Variants in DNAH9 observed in about 807,000 individuals in gnomAD.
DNAH9 encodes dynein axonemal heavy chain 9.
In DNAH9, 345 loss-of-function variants were observed where a neutral mutation model predicts 471.6. The ratio of observed to expected loss-of-function variants is 0.73; its 90% CI spans 0.67 to 0.80. The LOEUF (loss-of-function observed/expected upper bound fraction) is 0.80. DNAH9 is among the 30% of genes least tolerant of loss of function. The pLI, the probability that DNAH9 is intolerant of heterozygous loss-of-function variation, is 0.00. For missense variants in DNAH9, 5,407 were observed against 5,609.2 expected (o/e 0.96, Z 1.15); for synonymous variants, 2,093 against 2,123.6 (o/e 0.99, Z 0.40).
chr17:11,768,400 GGGCTTCTTGAGTTCTGGA>G, intron 36 of DNAH9, 35 bp from the exon 37 acceptor site: 6 of 1,575,038 alleles, frequency 3.8e-6, no homozygotes, highest in Non-Finnish European at 5.2e-6. Flanking sequence ...CCTCCTGTGT[GGGCTTCTTGAGTTCTGGA>G]GGACCTTGTC....
chr17:11,674,145 T>G (rs1450807793), intron 17 of DNAH9, among the ~76,000 whole-genome samples: 1 of 152,148 alleles, frequency 6.6e-6, no homozygotes, highest in Non-Finnish European at 1.5e-5. Flanking sequence ...TTTCCAGTGG[T>G]TTTGCTCTTC....
At chr17:11,839,672 G>A (rs1393772226) in intron 49 of DNAH9, among the ~76,000 whole-genome samples, 1 of 152,144 alleles carries the variant, frequency 6.6e-6, no homozygotes, top group Non-Finnish European at 1.5e-5. Flanking sequence ...ACACATTTAT[G>A]TTTGTATTAA....
chr17:11,951,325 G>A (rs1482121086), intron 67 of DNAH9, among the ~76,000 whole-genome samples: 1 of 152,098 alleles, frequency 6.6e-6, no homozygotes, highest in Non-Finnish European at 1.5e-5. Flanking sequence ...TTAACCACAG[G>A]TTGGCAAGCA....
rs1423167726 is a variant in DNAH9, at chr17:11,669,365, C to T, written c.2929-5C>T. ...AACCTGCCTGCCGTTGTCTCGCTTC[C>T]CCAGGTCGACCTGGACGGTATACCA... is the stretch of plus-strand genomic sequence containing the variant. On this transcript the variant is annotated splice_region_variant and splice_polypyrimidine_tract_variant and intron_variant, in intron 16 of 68. Coordinates refer to ENST00000262442, the MANE Select transcript of DNAH9 (RefSeq NM_001372.4). The T allele has an allele frequency of 1.2e-6, 2 of 1,606,674 alleles. No homozygotes were observed. Among genetic ancestry groups the T allele is most frequent in the African/African-American group, 1.3e-5 (1 of 74,878 alleles).
intron 56 of DNAH9, among the ~76,000 whole-genome samples, chr17:11,884,165 C>G (rs757761692): frequency 1.3e-5 from 2 of 152,106 alleles, no homozygotes; most frequent in African/African-American, 2.4e-5. Context: ...CCCACCGGAC[C>G]GCAGAATCTC....
At chr17:11,621,848 G>A (rs1029828783) in intron 6 of DNAH9, among the ~76,000 whole-genome samples, 3 of 152,128 alleles carry the variant, frequency 2.0e-5, no homozygotes, top group African/African-American at 4.8e-5. Context: ...TTAGGAGGCC[G>A]AGGCAGGTGG....
At chr17:11,613,404 G>A (rs993446961) in intron 4 of DNAH9, among the ~76,000 whole-genome samples, 28 of 152,076 alleles carry the variant, frequency 1.8e-4, no homozygotes, top group African/African-American at 6.0e-4. Flanking sequence ...GACAGATCAC[G>A]AGGTCAGGAG....
intron 59 of DNAH9, among the ~76,000 whole-genome samples, chr17:11,901,533 T>TA (rs1973416782): frequency 6.6e-6 from 1 of 151,984 alleles, no homozygotes; most frequent in Non-Finnish European, 1.5e-5. Context: ...CCGTCTCTAC[T>TA]AAAAATACAA....
intron 49 of DNAH9, among the ~76,000 whole-genome samples, chr17:11,835,663 C>T (rs1970826680): frequency 6.6e-6 from 1 of 152,210 alleles, no homozygotes; most frequent in Admixed American, 6.5e-5. Context: ...AAGCTGCCCC[C>T]TTTTCTGTTG....
At chr17:11,812,044 T>C (rs1298422533) in intron 45 of DNAH9, among the ~76,000 whole-genome samples, 5,491 of 77,274 alleles carry the variant, frequency 0.071, 913 homozygotes, top group African/African-American at 0.21. Flanking sequence ...TATATATATA[T>C]ATATATATAT....
At chr17:11,948,321 TG>T (rs1166029984) in intron 67 of DNAH9, among the ~76,000 whole-genome samples, 1 of 149,038 alleles carries the variant, frequency 6.7e-6, no homozygotes, top group Non-Finnish European at 1.5e-5. Context: ...CTCCACCTCT[TG>T]GGTTCAAGCT....
intron 31 of DNAH9, among the ~76,000 whole-genome samples, chr17:11,745,522 A>C (rs992496387): frequency 6.6e-6 from 1 of 152,200 alleles, no homozygotes; most frequent in African/African-American, 2.4e-5. Context: ...ACAGCTCCTT[A>C]TTTAACCTTG....
chr17:11,732,659 C>T (rs1320712869), intron 28 of DNAH9, among the ~76,000 whole-genome samples: 1 of 151,552 alleles, frequency 6.6e-6, no homozygotes, highest in East Asian at 1.9e-4. Context: ...AAAAAAATTA[C>T]TCTGCTGTTT....
intron 9 of DNAH9, among the ~76,000 whole-genome samples, chr17:11,638,127 G>GA (rs2073198022): frequency 6.6e-6 from 1 of 152,064 alleles, no homozygotes; most frequent in South Asian, 2.1e-4. Flanking sequence ...AAGGGTAGGG[G>GA]AAATTATCAA....
intron 50 of DNAH9, among the ~76,000 whole-genome samples, chr17:11,868,017 A>G (rs1371245728): frequency 1.3e-5 from 2 of 152,202 alleles, no homozygotes; most frequent in African/African-American, 4.8e-5. Context: ...AACAACAGCT[A>G]ACTCTAAGTT....
intron 52 of DNAH9, among the ~76,000 whole-genome samples, chr17:11,874,682 A>C (rs543735201): frequency 3.3e-4 from 50 of 152,220 alleles, no homozygotes; most frequent in Non-Finnish European, 6.5e-4. Context: ...TAGAAACTTG[A>C]CTTAGGTAAA....
chr17:11,786,657 AAGC>A (rs1968880404), intron 41 of DNAH9, among the ~76,000 whole-genome samples: 1 of 152,220 alleles, frequency 6.6e-6, no homozygotes, highest in South Asian at 2.1e-4. Flanking sequence ...GCATAATGGT[AAGC>A]AGCAGCATTG....
chr17:11,719,984 T>C (rs2075025862), intron 27 of DNAH9, among the ~76,000 whole-genome samples: 1 of 152,046 alleles, frequency 6.6e-6, no homozygotes, highest in Non-Finnish European at 1.5e-5. Context: ...AGGGCAGGCG[T>C]GATTTCTGAA....
chr17:11,941,694 GGATAGATAGATAGATAGATAGATA>G (rs58634740), intron 66 of DNAH9, among the ~76,000 whole-genome samples: 1 of 148,220 alleles, frequency 6.7e-6, no homozygotes, highest in African/African-American at 2.5e-5. Context: ...GTGGATGACC[GGATAGATAGATAGATAGATAGATA>G]GATAGATAGA....
Sources: allele counts gnomAD v4.1 joint callset (sites outside exome capture counted in the v4.1 genomes callset), GRCh38; gene constraint gnomAD v4.1.1; transcripts MANE v1.5; gene names NCBI Gene and HGNC (gene_info 2026-07-23, HGNC 2026-07-21).